LIN28B: variants seen among roughly 807,000 people sequenced by gnomAD.
LIN28B encodes lin-28 RNA binding posttranscriptional regulator B.
In LIN28B, 5 loss-of-function variants were observed where a neutral mutation model predicts 21.9. That is an observed-to-expected ratio of 0.23 (90% confidence interval 0.12 to 0.48). The LOEUF is 0.48. Among genes scored for constraint, LIN28B ranks in the 20% least tolerant of loss-of-function variants. The pLI, the probability that LIN28B is intolerant of heterozygous loss-of-function variation, is 0.98. For missense variants in LIN28B, 245 were observed against 310.5 expected, an observed-to-expected ratio of 0.79 and a Z score of 1.58; for synonymous variants, 109 against 111.3, an observed-to-expected ratio of 0.98 and a Z score of 0.13.
intron 2 of LIN28B, among the ~76,000 whole-genome samples, chr6:105,020,747 C>CTTTTTT (rs1176851045): frequency 3.5e-5 from 3 of 85,418 alleles, no homozygotes; most frequent in African/African-American, 5.5e-5. Flanking sequence ...TCATTCCACT[C>CTTTTTT]TTTTTTTTTT....
At chr6:104,977,629 G>A (rs1186540858) in intron 2 of LIN28B, among the ~76,000 whole-genome samples, 1 of 152,168 alleles carries the variant, frequency 6.6e-6, no homozygotes, top group Admixed American at 6.5e-5. Context: ...GTGCAATAGT[G>A]TGATCTTGGA....
At chr6:105,017,444 A>G (rs1355742258) in intron 2 of LIN28B, among the ~76,000 whole-genome samples, 1 of 152,198 alleles carries the variant, frequency 6.6e-6, no homozygotes, top group Non-Finnish European at 1.5e-5. Flanking sequence ...TAAAGTGTTT[A>G]TTGAACTACT....
chr6:105,016,565 A>G (rs1191192726), intron 2 of LIN28B, among the ~76,000 whole-genome samples: 1 of 152,026 alleles, frequency 6.6e-6, no homozygotes, highest in Non-Finnish European at 1.5e-5. Context: ...GGGACTCTTG[A>G]TGTCCTCATC....
At chr6:105,041,869 T>C (rs1253863440) in intron 3 of LIN28B, among the ~76,000 whole-genome samples, 1 of 152,030 alleles carries the variant, frequency 6.6e-6, no homozygotes, top group Non-Finnish European at 1.5e-5. Flanking sequence ...ATATTGTAAG[T>C]TTGAGATCCC....
At chr6:104,947,628 A>G (rs917576897) in intron 2 of LIN28B, among the ~76,000 whole-genome samples, 1 of 151,886 alleles carries the variant, frequency 6.6e-6, no homozygotes, top group African/African-American at 2.4e-5. Context: ...GCAGTAAATC[A>G]TATATTTAAA....
chr6:104,944,925 CTT>C (rs959351357), intron 2 of LIN28B, among the ~76,000 whole-genome samples: 51 of 152,086 alleles, frequency 3.4e-4, no homozygotes, highest in Non-Finnish European at 4.7e-4. Context: ...GAAAAAAAGA[CTT>C]GATGTTGAAT....
chr6:104,997,950 A>G (rs1012316794), intron 2 of LIN28B, among the ~76,000 whole-genome samples: 6 of 152,184 alleles, frequency 3.9e-5, no homozygotes, highest in African/African-American at 1.2e-4. Flanking sequence ...TTTATATACA[A>G]TAATAAACTG....
In LIN28B at chr6:105,048,995, G is replaced by GT. The variant is rs1331350566; in HGVS notation, c.383+22519dup. Among the ~76,000 whole-genome samples, 20 of 152,172 alleles carry GT rather than the reference G, an allele frequency of 1.3e-4. No homozygotes were observed. The East Asian group carries it at 3.3e-3, about 25-fold the overall frequency. On this transcript the variant is annotated intron_variant, in intron 3 of 3. Coordinates refer to ENST00000345080, the MANE Select transcript of LIN28B (RefSeq NM_001004317.4). The stretch of plus-strand genomic sequence containing the variant: ...CCTGGATTCATTGATGTTTTGAAGG[G>GT]TTTTTTGTGTCTCTATTTCCTTCAG...
chr6:105,009,248 A>G (rs1454275298), intron 2 of LIN28B, among the ~76,000 whole-genome samples: 2 of 152,196 alleles, frequency 1.3e-5, no homozygotes, highest in Non-Finnish European at 2.9e-5. Flanking sequence ...CCATTGACTT[A>G]GTTTTGAGTG....
chr6:105,047,650 G>T, intron 3 of LIN28B, among the ~76,000 whole-genome samples: 1 of 152,178 alleles, frequency 6.6e-6, no homozygotes, highest in Non-Finnish European at 1.5e-5. Flanking sequence ...CTATCCATGA[G>T]CATGGAATGT....
At chr6:105,027,522 T>A (rs777700910) in intron 3 of LIN28B, among the ~76,000 whole-genome samples, 5 of 151,996 alleles carry the variant, frequency 3.3e-5, no homozygotes, top group Admixed American at 6.6e-5. Context: ...GTTCTCTTGA[T>A]ATATTTAGGA....
At chr6:104,955,229 T>C (rs186344109), upstream of LIN28B, among the ~76,000 whole-genome samples, 56 of 152,346 alleles carry the variant, frequency 3.7e-4, 1 homozygote, top group East Asian at 0.01. Flanking sequence ...ATCAAAATAA[T>C]GCCTAGTAAA....
chr6:104,990,805 G>A (rs370827454), intron 2 of LIN28B, among the ~76,000 whole-genome samples: 3 of 151,988 alleles, frequency 2.0e-5, no homozygotes, highest in Non-Finnish European at 2.9e-5. Flanking sequence ...TTAACAAAGC[G>A]CATCTTGCAC....
chr6:105,051,212 G>A (rs560815628), intron 3 of LIN28B, among the ~76,000 whole-genome samples: 2 of 151,616 alleles, frequency 1.3e-5, no homozygotes, highest in African/African-American at 2.4e-5. Context: ...AGGCCGAGTC[G>A]GGTGGATCAT....
intron 2 of LIN28B, among the ~76,000 whole-genome samples, chr6:104,977,301 C>T (rs1369229583): frequency 6.6e-6 from 1 of 152,188 alleles, no homozygotes; most frequent in Non-Finnish European, 1.5e-5. Context: ...CAAATTCCTT[C>T]CTACATTCAC....
intron 3 of LIN28B, among the ~76,000 whole-genome samples, chr6:105,040,222 T>C (rs1771605011): frequency 6.6e-6 from 1 of 152,142 alleles, no homozygotes; most frequent in Admixed American, 6.6e-5. Context: ...TGTGTGGAAG[T>C]GGGACCCTTT....
chr6:105,013,887 C>T (rs1183918238), intron 2 of LIN28B, among the ~76,000 whole-genome samples: 1 of 151,996 alleles, frequency 6.6e-6, no homozygotes, highest in Non-Finnish European at 1.5e-5. Flanking sequence ...CTTTTAATGT[C>T]TGTGGGATTG....
upstream of LIN28B, among the ~76,000 whole-genome samples, chr6:104,953,131 G>A (rs1002226193): frequency 1.3e-5 from 2 of 152,214 alleles, no homozygotes; most frequent in Non-Finnish European, 2.9e-5. Context: ...CTTTCAGGCG[G>A]GAGAGATCTT....
chr6:105,007,647 C>A (rs1275430031), intron 2 of LIN28B, among the ~76,000 whole-genome samples: 1 of 151,680 alleles, frequency 6.6e-6, no homozygotes, highest in African/African-American at 2.4e-5. Flanking sequence ...ACCTTAGCCT[C>A]CTGAATAGCT....
Sources: allele counts gnomAD v4.1 joint callset (sites outside exome capture counted in the v4.1 genomes callset), GRCh38; gene constraint gnomAD v4.1.1; transcripts MANE v1.5; gene names NCBI Gene and HGNC (gene_info 2026-07-23, HGNC 2026-07-21).